Variants in PLEKHA6 observed in about 807,000 individuals in gnomAD.
PLEKHA6 encodes the protein pleckstrin homology domain containing A6.
In PLEKHA6, 60 loss-of-function variants were observed where a neutral mutation model predicts 116.7. That is an observed-to-expected ratio of 0.51 (90% CI 0.42 to 0.64). PLEKHA6 has a LOEUF of 0.64. Ranked by LOEUF, PLEKHA6 falls within the 30% of genes least tolerant of loss-of-function variation. PLEKHA6 has a pLI of 0.00. For missense variants in PLEKHA6, 1,338 were observed against 1,422.7 expected, an observed-to-expected ratio of 0.94 and a Z score of 0.96; for synonymous variants, 489 against 556.1, an observed-to-expected ratio of 0.88 and a Z score of 1.70.
intron 1 of PLEKHA6, among the ~76,000 whole-genome samples, chr1:204,302,183 A>G (rs1281194844): frequency 6.6e-6 from 1 of 152,318 alleles, no homozygotes; most frequent in East Asian, 1.9e-4. Flanking sequence ...CAATTCCCTC[A>G]TGTTACAAAT....
At chr1:204,280,528 C>T (rs1668488981) in intron 1 of PLEKHA6, 1 of 898,330 alleles carries the variant, frequency 1.1e-6, no homozygotes, top group Non-Finnish European at 1.3e-6. Context: ...TAGCCCTGGC[C>T]CAGCTTCCCC....
chr1:204,240,654 T>A (rs1208409353), intron 17 of PLEKHA6, among the ~76,000 whole-genome samples: 2 of 152,178 alleles, frequency 1.3e-5, no homozygotes, highest in Non-Finnish European at 2.9e-5. Context: ...TTATGTTAGG[T>A]GTAATTATGA....
At chr1:204,313,439 G>T in intron 1 of PLEKHA6, 1 of 346,554 alleles carries the variant, frequency 2.9e-6, no homozygotes, top group Non-Finnish European at 4.1e-6. Context: ...GGCTCATCTG[G>T]CCTCGGGGAC....
intron 1 of PLEKHA6, chr1:204,325,969 C>A (rs1190825702): frequency 3.3e-6 from 3 of 904,812 alleles, no homozygotes; most frequent in Admixed American, 6.2e-5. Flanking sequence ...GGGGCAGAGT[C>A]CCTCTGCCCA....
chr1:204,304,825 T>G (rs1289046467), intron 1 of PLEKHA6, among the ~76,000 whole-genome samples: 1 of 152,150 alleles, frequency 6.6e-6, no homozygotes, highest in Non-Finnish European at 1.5e-5. Context: ...AGGGCAGGTA[T>G]GGAAGGGAGG....
intron 10 of PLEKHA6, among the ~76,000 whole-genome samples, chr1:204,249,567 G>T (rs968723424): frequency 4.6e-5 from 7 of 152,186 alleles, no homozygotes; most frequent in Non-Finnish European, 7.3e-5. Context: ...GGACTGAGGA[G>T]ATGATATGAC....
In PLEKHA6 at chr1:204,222,111, G is replaced by C. The variant is rs1054433882; in HGVS notation, c.*677C>G. 6.6e-6 allele frequency: 1 copy of C among 150,754 alleles called. No homozygotes were observed. The allele number at this position is 150,754 out of a possible 1,614,324, so 9.3% of individuals were successfully genotyped here. A position where few individuals can be genotyped will look rare whatever the true frequency, so the allele number is the denominator to read the frequency against. ...CCCTCAGACACTGCACAGACCTGCT[G>C]TTCTCTAGCCACAGCCAGCACTGTT... On this transcript the variant is annotated 3_prime_UTR_variant, in exon 23 of 23. Coordinates refer to ENST00000272203, the MANE Select transcript of PLEKHA6 (RefSeq NM_014935.5).
rs1659775598 is a variant in PLEKHA6 at position 204,222,681 on chromosome 1, GGGGCCA to G, written c.*101_*106del. On this transcript the variant is annotated 3_prime_UTR_variant, in exon 23 of 23. Coordinates refer to ENST00000272203, the MANE Select transcript of PLEKHA6 (RefSeq NM_014935.5). ...CATTCCCATGGGAGTGCAGGGGCAG[GGGGCCA>G]GGGTGGGGAGCCAGGACCTCAGGTG... 1 of 152,760 alleles carries G rather than the reference GGGGCCA, an allele frequency of 6.5e-6. No homozygotes were observed. Among genetic ancestry groups the G allele is most frequent in the Admixed American group, 6.5e-5 (1 of 15,288 alleles). The allele number at this position is 152,760 out of a possible 1,614,324, so 9.5% of individuals were successfully genotyped here.
At chr1:204,355,543 G>A (rs1021126584) in intron 1 of PLEKHA6, among the ~76,000 whole-genome samples, 5 of 152,146 alleles carry the variant, frequency 3.3e-5, no homozygotes, top group African/African-American at 1.2e-4. Context: ...GGGTTCAATG[G>A]ATTCTCCTGC....
At chr1:204,274,619 C>G (rs1667822944) in intron 2 of PLEKHA6, 110 bp downstream of exon 2, 2 of 985,648 alleles carry the variant, frequency 2.0e-6, no homozygotes, top group South Asian at 4.7e-5. Flanking sequence ...CAAAGCCCTT[C>G]TGCTTTCCTT....
At chr1:204,275,589 C>T (rs1461677683) in intron 1 of PLEKHA6, 4 of 480,474 alleles carry the variant, frequency 8.3e-6, no homozygotes, top group Non-Finnish European at 1.1e-5. Flanking sequence ...ATCGTGGAGC[C>T]TCCTTGGGAA....
At chr1:204,337,037 T>C (rs1411265521) in intron 1 of PLEKHA6, among the ~76,000 whole-genome samples, 1 of 152,234 alleles carries the variant, frequency 6.6e-6, no homozygotes, top group Non-Finnish European at 1.5e-5. Flanking sequence ...ATCTCATCTC[T>C]TTCTGGACTC....
Position 204,261,401 on chromosome 1 carries a change from G to A in PLEKHA6, c.429C>T (p.Pro143=), listed in dbSNP as rs549207215. 9 of 1,613,946 alleles carry A rather than the reference G, an allele frequency of 5.6e-6. No individual in the cohort carries two copies. The highest frequency in any genetic ancestry group is 3.3e-5 in the South Asian group (3 of 91,056). The stretch of plus-strand genomic sequence containing the variant: ...CCTGGATCCAGGCCTCTTGCTCCTC[G>A]GGGCTCTCGGCACTGAAGAAGTAGG... ...VRTYFFSAES[P]EEQEAWIQAM... is the part of the protein sequence containing the mutation. The change falls in exon 7 of 23, where the codon CCC becomes CCT. Residue 143 remains proline (P), a synonymous_variant. Transcript: ENST00000272203. This position sits in a 1 kb window ranked among gnomAD's most constrained non-coding sequence, Gnocchi z 4.0.
intron 1 of PLEKHA6, chr1:204,297,249 C>T: frequency 1.4e-5 from 13 of 950,830 alleles, no homozygotes; most frequent in Non-Finnish European, 1.6e-5. Flanking sequence ...TAGGAAAATA[C>T]ATGGATACAT....
At chr1:204,372,685 C>T (rs1009473378) in intron 1 of PLEKHA6, among the ~76,000 whole-genome samples, 1 of 152,106 alleles carries the variant, frequency 6.6e-6, no homozygotes, top group East Asian at 1.9e-4. Context: ...GTGAAACTGC[C>T]ACCGAAATCA....
intron 5 of PLEKHA6, among the ~76,000 whole-genome samples, chr1:204,265,625 A>G (rs962954228): frequency 1.3e-5 from 2 of 152,236 alleles, no homozygotes; most frequent in African/African-American, 4.8e-5. Flanking sequence ...GCAGTGACAT[A>G]TGTAACAAGG....
intron 6 of PLEKHA6, 47 bp downstream of exon 6, chr1:204,264,895 G>C: frequency 7.7e-7 from 1 of 1,294,598 alleles, no homozygotes; most frequent in Non-Finnish European, 1.1e-6. Context: ...CTCTAGAAGA[G>C]CAGGCCTTCC....
At chr1:204,253,952 G>T (rs962927232) in intron 9 of PLEKHA6, among the ~76,000 whole-genome samples, 14 of 152,158 alleles carry the variant, frequency 9.2e-5, no homozygotes, top group African/African-American at 3.4e-4. Flanking sequence ...TAATGGACCA[G>T]CCCCTCTGTG....
At chr1:204,354,169 A>C (rs1489452450) in intron 1 of PLEKHA6, among the ~76,000 whole-genome samples, 1 of 152,064 alleles carries the variant, frequency 6.6e-6, no homozygotes, top group African/African-American at 2.4e-5. Flanking sequence ...CTAAGGAGGG[A>C]CCTCACCTCC....
Sources: gnomAD v4.1 joint callset for allele counts (sites outside exome capture counted in the v4.1 genomes callset) on GRCh38, gnomAD v4.1.1 for gene constraint, Gnocchi (gnomAD v3.1) non-coding constraint, MANE v1.5 for transcripts, NCBI Gene and HGNC (gene_info 2026-07-23, HGNC 2026-07-21) for gene names.